CLDN20: variants seen among roughly 807,000 people sequenced by gnomAD.
CLDN20 encodes the protein claudin 20.
For missense variants in CLDN20, 258 were observed against 267.9 expected (o/e 0.96, Z 0.26); for synonymous variants, 104 against 103.6 (o/e 1.00, Z -0.03).
chr6:155,270,677 T>C (rs1784876445), intron 1 of CLDN20, among the ~76,000 whole-genome samples: 1 of 152,204 alleles, frequency 6.6e-6, no homozygotes, highest in Non-Finnish European at 1.5e-5. Context: ...TTCCTTATGC[T>C]AGAGGTTAGA....
intron 1 of CLDN20, among the ~76,000 whole-genome samples, chr6:155,267,642 G>A (rs114402776): frequency 6.9e-4 from 105 of 152,266 alleles, no homozygotes; most frequent in African/African-American, 2.5e-3. Context: ...GTTACAGCAG[G>A]CCATTTCAGC....
chr6:155,274,887 T>C (rs1376748575), intron 1 of CLDN20, among the ~76,000 whole-genome samples: 1 of 152,222 alleles, frequency 6.6e-6, no homozygotes, highest in Admixed American at 6.5e-5. Context: ...CTTAATTTAT[T>C]TTCTTCCTTA....
intron 1 of CLDN20, among the ~76,000 whole-genome samples, chr6:155,269,796 G>A (rs1200013805): frequency 6.6e-6 from 1 of 152,206 alleles, no homozygotes. Context: ...GTCCTGCTTA[G>A]AAATAAAATT....
At chr6:155,272,500 T>C (rs538976387) in intron 1 of CLDN20, among the ~76,000 whole-genome samples, 343 of 151,936 alleles carry the variant, frequency 2.3e-3, no homozygotes, top group Non-Finnish European at 4.4e-3. Context: ...TGCTTCTGCT[T>C]GCCTTCACAG....
intron 1 of CLDN20, among the ~76,000 whole-genome samples, chr6:155,271,748 A>C (rs1056286878): frequency 1.3e-5 from 2 of 152,232 alleles, no homozygotes; most frequent in African/African-American, 4.8e-5. Flanking sequence ...ATATCTTTCA[A>C]CATAGAGAAA....
At chr6:155,266,956 G>C (rs1784673146) in intron 1 of CLDN20, among the ~76,000 whole-genome samples, 1 of 145,698 alleles carries the variant, frequency 6.9e-6, no homozygotes, top group Non-Finnish European at 1.5e-5. Context: ...GAGAACTCTA[G>C]AATACTTTGC....
chr6:155,265,511 G>C (rs112451000), intron 1 of CLDN20, among the ~76,000 whole-genome samples: 5 of 138,828 alleles, frequency 3.6e-5, no homozygotes, highest in Admixed American at 2.9e-4. Context: ...GACAGAAGAA[G>C]AACATTATTT....
At chr6:155,274,871 G>C (rs1156624655) in intron 1 of CLDN20, among the ~76,000 whole-genome samples, 3 of 152,150 alleles carry the variant, frequency 2.0e-5, no homozygotes, top group African/African-American at 7.2e-5. Flanking sequence ...ATCTTTAAAA[G>C]GTGGCCTTAA....
At chr6:155,272,887 T>C (rs1784998184) in intron 1 of CLDN20, among the ~76,000 whole-genome samples, 1 of 152,132 alleles carries the variant, frequency 6.6e-6, no homozygotes, top group Admixed American at 6.5e-5. Context: ...TACTGAAAGT[T>C]ATAAAATATA....
intron 1 of CLDN20, among the ~76,000 whole-genome samples, chr6:155,270,700 C>T (rs1371553834): frequency 2.6e-5 from 4 of 152,266 alleles, no homozygotes; most frequent in East Asian, 1.9e-4. Context: ...GGGGAGCAGC[C>T]GGGTCCCTCC....
chr6:155,275,670 C>A lies in CLDN20; in HGVS notation c.-50C>A, dbSNP rs1340810036. 4.0e-6 allele frequency: 6 copies of A among 1,504,190 alleles called. No individual in the cohort carries two copies. Among genetic ancestry groups the A allele is most frequent in the Admixed American group, 1.9e-5 (1 of 53,844 alleles). The allele number at this position is 1,504,190 out of a possible 1,614,324, so 93.2% of individuals were successfully genotyped here. ...AAATAGATAGAATTCTGACAGCCATCATTGTTAAACATCAGGATTTTCTAA... is the reference window on the plus strand; with the variant it reads ...AAATAGATAGAATTCTGACAGCCATAATTGTTAAACATCAGGATTTTCTAA... On this transcript the variant is annotated 5_prime_UTR_variant, in exon 2 of 2. Transcript: ENST00000367165.
intron 1 of CLDN20, among the ~76,000 whole-genome samples, chr6:155,269,788 C>A (rs1784839352): frequency 6.6e-6 from 1 of 152,202 alleles, no homozygotes; most frequent in Non-Finnish European, 1.5e-5. Context: ...AAATTCTAGT[C>A]CTGCTTAGAA....
Position 155,275,521 on chromosome 6 carries a change from GATA to G in CLDN20, c.-104-94_-104-92del, listed in dbSNP as rs1194090021. The G allele has an allele frequency of 2.5e-5, 14 of 562,340 alleles. No individual in the cohort carries two copies. The African/African-American group carries it at 2.6e-4, about 10-fold the overall frequency. The allele number at this position is 562,340 out of a possible 1,614,324, so 34.8% of individuals were successfully genotyped here. On this transcript the variant is annotated intron_variant, in intron 1 of 1. Coordinates refer to ENST00000367165, the MANE Select transcript of CLDN20 (RefSeq NM_001001346.3). Reference sequence around the variant, plus strand: ...ATCTGCTTGGGGGCTGGAGAAGGGGGATACTCAGATGTGTTCTTGGCTCCTACT... The same window carrying G: ...ATCTGCTTGGGGGCTGGAGAAGGGGGCTCAGATGTGTTCTTGGCTCCTACT...
chr6:155,275,615 G>A lies in CLDN20; in HGVS notation c.-104-1G>A. 1 of 1,189,788 alleles carries A rather than the reference G, an allele frequency of 8.4e-7. No individual in the cohort carries two copies. The highest frequency in any genetic ancestry group is 2.4e-5 in the East Asian group (1 of 42,518). 73.7% of individuals were successfully genotyped at this position (1,189,788 alleles called of 1,614,324 possible). A position where few individuals can be genotyped will look rare whatever the true frequency, so the allele number is the denominator to read the frequency against. ...ATCCTGGTTTTGCCTTTTTTCCTTA[G>A]GCTTTGTTATTTGGTTCTCTACTGC... On this transcript the variant is annotated splice_acceptor_variant, in intron 1 of 1. Transcript: ENST00000367165. LOFTEE classifies it low-confidence loss of function (5UTR_SPLICE).
intron 1 of CLDN20, among the ~76,000 whole-genome samples, chr6:155,267,133 C>A (rs962105819): frequency 1.3e-4 from 20 of 151,872 alleles, no homozygotes; most frequent in African/African-American, 4.8e-4. Context: ...TGGCACCACA[C>A]CCGGCCAATT....
At chr6:155,266,070 C>T (rs1386294559) in intron 1 of CLDN20, among the ~76,000 whole-genome samples, 2 of 152,088 alleles carry the variant, frequency 1.3e-5, no homozygotes, top group Admixed American at 6.6e-5. Flanking sequence ...GGTCTACCTT[C>T]CCCACCTCAC....
At chr6:155,264,681 A>C (rs1784538693) in intron 1 of CLDN20, among the ~76,000 whole-genome samples, 1 of 152,218 alleles carries the variant, frequency 6.6e-6, no homozygotes, top group Admixed American at 6.5e-5. Context: ...GATTTTAAAC[A>C]GTCACATAGT....
chr6:155,276,043 A>G lies in CLDN20; in HGVS notation c.324A>G (p.Gly108=). The G allele has an allele frequency of 1.2e-6, 2 of 1,614,110 alleles. No individual in the cohort carries two copies. The highest frequency in any genetic ancestry group is 2.2e-5 in the South Asian group (2 of 91,064). The change falls in exon 2 of 2, where the codon GGA becomes GGG. Residue 108 remains glycine, a synonymous_variant. Coordinates refer to ENST00000367165, the MANE Select transcript of CLDN20 (RefSeq NM_001001346.3). ...STVGMKCTRL[G]GDRETKSHAS... ...TAGGAATGAAATGTACTCGCTTAGG[A>G]GGGGACAGAGAAACCAAGAGCCATG... is the stretch of plus-strand genomic sequence containing the variant.
intron 1 of CLDN20, among the ~76,000 whole-genome samples, chr6:155,264,532 G>A (rs934974563): frequency 2.0e-5 from 3 of 152,048 alleles, no homozygotes; most frequent in African/African-American, 2.4e-5. Flanking sequence ...TCAACTACAC[G>A]GTCAGTACCT....
Sources: allele counts gnomAD v4.1 joint callset (sites outside exome capture counted in the v4.1 genomes callset), GRCh38; gene constraint gnomAD v4.1.1; transcripts MANE v1.5; gene names NCBI Gene and HGNC (gene_info 2026-07-23, HGNC 2026-07-21).